The following NKAIN2 variants were observed in gnomAD, a reference collection of about 807,000 sequenced individuals.
The protein encoded by NKAIN2 is sodium/potassium-transporting ATPase subunit beta-1-interacting protein 2.
A neutral mutation model predicts 32.6 loss-of-function variants in NKAIN2; 14 were observed. The observed-to-expected ratio is 0.43, with a 90% CI of 0.28 to 0.67. The LOEUF is 0.67. NKAIN2 is among the 30% of genes least tolerant of loss of function. The pLI, the probability that NKAIN2 is intolerant of heterozygous loss-of-function variation, is 0.17. For synonymous variants in NKAIN2, 80 were observed against 87.2 expected (o/e 0.92, Z 0.46); for missense variants, 198 against 258.3 (o/e 0.77, Z 1.60).
At chr6:124,525,430 C>T (rs556974329) in intron 3 of NKAIN2, among the ~76,000 whole-genome samples, 15 of 152,070 alleles carry the variant, frequency 9.9e-5, no homozygotes, top group Admixed American at 2.0e-4. Flanking sequence ...GACAGCAAGA[C>T]TAGAATCTAG....
At chr6:124,464,741 C>T (rs147679084) in intron 3 of NKAIN2, among the ~76,000 whole-genome samples, 3,783 of 152,098 alleles carry the variant, frequency 0.025, 147 homozygotes, top group African/African-American at 0.087. Context: ...GTTTTGGTAC[C>T]AGTACCATGC....
At chr6:124,080,743 C>G (rs975668972) in intron 1 of NKAIN2, among the ~76,000 whole-genome samples, 2 of 152,054 alleles carry the variant, frequency 1.3e-5, no homozygotes, top group Non-Finnish European at 2.9e-5. Flanking sequence ...AACACTCCCC[C>G]CCTCCAAGAT....
chr6:124,167,444 T>G (rs1788612551), intron 1 of NKAIN2, among the ~76,000 whole-genome samples: 1 of 152,214 alleles, frequency 6.6e-6, no homozygotes, highest in African/African-American at 2.4e-5. Context: ...TTTTTAGATA[T>G]ACAATGATGT....
chr6:124,779,383 G>GGAAT (rs1779158089), intron 4 of NKAIN2, among the ~76,000 whole-genome samples: 1 of 146,498 alleles, frequency 6.8e-6, no homozygotes, highest in East Asian at 2.0e-4. Context: ...AAGGAAGGAA[G>GGAAT]TCCTCCTGTC....
Position 124,163,778 on chromosome 6 carries a change from G to A in NKAIN2, c.55-119227G>A, listed in dbSNP as rs183928596. ...ATGAAAAGTGGAAACTGTGAGGGAA[G>A]ATTAAAGACAGCTGTGATCATTTAG... On this transcript the variant is annotated intron_variant, in intron 1 of 6. Transcript: ENST00000368417. Among the ~76,000 whole-genome samples the A allele has an allele frequency of 2.2e-3, 329 of 152,150 alleles. 2 individuals are homozygous for A. The highest frequency in any genetic ancestry group is 7.7e-3 in the African/African-American group (318 of 41,548).
At chr6:124,063,797 A>T (rs1388418217) in intron 1 of NKAIN2, among the ~76,000 whole-genome samples, 2 of 152,166 alleles carry the variant, frequency 1.3e-5, no homozygotes, top group Non-Finnish European at 1.5e-5. Flanking sequence ...GCACAAACTG[A>T]CATAATTAAA....
chr6:123,817,230 A>G (rs754774469), intron 1 of NKAIN2, among the ~76,000 whole-genome samples: 8 of 152,130 alleles, frequency 5.3e-5, no homozygotes, highest in Non-Finnish European at 1.0e-4. Context: ...TGTTCACAAC[A>G]TTGCCATTTT....
At chr6:124,057,791 A>C (rs2114848068) in intron 1 of NKAIN2, among the ~76,000 whole-genome samples, 1 of 152,144 alleles carries the variant, frequency 6.6e-6, no homozygotes, top group Non-Finnish European at 1.5e-5. Context: ...TCATTTGTAA[A>C]GAGAGTTGTT....
chr6:124,813,893 C>T (rs934785111), intron 5 of NKAIN2, among the ~76,000 whole-genome samples: 14 of 152,194 alleles, frequency 9.2e-5, no homozygotes, highest in African/African-American at 1.4e-4. Context: ...ATTACCTGGA[C>T]AAAGATCTGT....
intron 4 of NKAIN2, among the ~76,000 whole-genome samples, chr6:124,693,124 T>G (rs1319372966): frequency 6.6e-6 from 1 of 152,146 alleles, no homozygotes; most frequent in African/African-American, 2.4e-5. Flanking sequence ...AGAATTCTCC[T>G]GCCTTGGGGA....
At chr6:123,963,472 C>A (rs1777942737) in intron 1 of NKAIN2, among the ~76,000 whole-genome samples, 1 of 151,278 alleles carries the variant, frequency 6.6e-6, no homozygotes, top group Non-Finnish European at 1.5e-5. Context: ...AGTGTGGATC[C>A]TGTTTTTGAA....
chr6:124,205,625 T>TA (rs1790833235), intron 1 of NKAIN2, among the ~76,000 whole-genome samples: 1 of 151,606 alleles, frequency 6.6e-6, no homozygotes, highest in Non-Finnish European at 1.5e-5. Flanking sequence ...CATTCATATT[T>TA]AGGGCTACTA....
At chr6:124,374,800 A>C (rs1799911233) in intron 3 of NKAIN2, among the ~76,000 whole-genome samples, 1 of 152,128 alleles carries the variant, frequency 6.6e-6, no homozygotes, top group African/African-American at 2.4e-5. Flanking sequence ...AATAGTTATA[A>C]TATATCCCTA....
chr6:124,679,549 T>G (rs1026292683), intron 4 of NKAIN2, among the ~76,000 whole-genome samples: 14 of 152,224 alleles, frequency 9.2e-5, no homozygotes, highest in African/African-American at 3.4e-4. Context: ...TGCAGCTAGT[T>G]TTGCAATCAC....
chr6:124,255,595 G>A (rs1037636328), intron 1 of NKAIN2, among the ~76,000 whole-genome samples: 1 of 152,114 alleles, frequency 6.6e-6, no homozygotes, highest in Admixed American at 6.6e-5. Flanking sequence ...CTTCCATTTT[G>A]TACATTTTTT....
intron 2 of NKAIN2, among the ~76,000 whole-genome samples, chr6:124,321,807 G>T (rs1423088662): frequency 6.6e-6 from 1 of 152,090 alleles, no homozygotes; most frequent in Non-Finnish European, 1.5e-5. Flanking sequence ...AAAAACATTG[G>T]CATGGCTGCT....
chr6:124,418,896 C>G (rs943215700), intron 3 of NKAIN2, among the ~76,000 whole-genome samples: 2 of 152,004 alleles, frequency 1.3e-5, no homozygotes, highest in African/African-American at 4.8e-5. Flanking sequence ...TCATTACACA[C>G]AGTCTATATC....
intron 4 of NKAIN2, among the ~76,000 whole-genome samples, chr6:124,741,024 G>C (rs891206675): frequency 1.3e-5 from 2 of 151,602 alleles, no homozygotes; most frequent in African/African-American, 4.8e-5. Flanking sequence ...TCCAATTCTG[G>C]ATATATCTTG....
intron 3 of NKAIN2, among the ~76,000 whole-genome samples, chr6:124,538,887 A>G (rs1276125547): frequency 6.6e-6 from 1 of 152,046 alleles, no homozygotes; most frequent in African/African-American, 2.4e-5. Flanking sequence ...GTAATTGCAT[A>G]TGTTCATAGT....
Sources: allele counts gnomAD v4.1 joint callset (sites outside exome capture counted in the v4.1 genomes callset), GRCh38; gene constraint gnomAD v4.1.1; transcripts MANE v1.5; gene names NCBI Gene and HGNC (gene_info 2026-07-23, HGNC 2026-07-21).